Variants in STK39 observed in about 807,000 individuals in gnomAD.
STK39 encodes STE20/SPS1-related proline-alanine-rich protein kinase.
In STK39, 20 loss-of-function variants were observed where a neutral mutation model predicts 77.8. The ratio of observed to expected loss-of-function variants is 0.26; its 90% CI spans 0.18 to 0.37. The LOEUF is 0.37. Ranked by LOEUF, STK39 falls within the 10% of genes least tolerant of loss-of-function variation. The pLI, the probability that STK39 is intolerant of heterozygous loss-of-function variation, is 1.00. For missense variants in STK39, 479 were observed against 656.5 expected (o/e 0.73, Z 2.95); for synonymous variants, 246 against 234.1 (o/e 1.05, Z -0.47).
intron 1 of STK39, among the ~76,000 whole-genome samples, chr2:168,208,143 T>C (rs918223857): frequency 6.6e-6 from 1 of 152,184 alleles, no homozygotes; most frequent in Non-Finnish European, 1.5e-5. Context: ...ATAGAAAGTG[T>C]CCTCATAATG....
At chr2:167,961,395 T>A (rs1691956056) in intron 17 of STK39, among the ~76,000 whole-genome samples, 1 of 152,228 alleles carries the variant, frequency 6.6e-6, no homozygotes, top group African/African-American at 2.4e-5. Context: ...TTACATGTTC[T>A]CAAAATTTGT....
chr2:168,163,981 G>C, intron 3 of STK39, 101 bp from the exon 4 acceptor site: 1 of 1,446,036 alleles, frequency 6.9e-7, no homozygotes, highest in Non-Finnish European at 9.2e-7. Context: ...TCAAAATATG[G>C]GCTTTATTTA....
rs1004304737 is a variant in STK39 at position 168,109,542 on chromosome 2, G to A, written c.1089+19999C>T. Among the ~76,000 whole-genome samples the A allele has an allele frequency of 7.9e-5, 12 of 152,176 alleles. 1 individual carries two copies. Among genetic ancestry groups the A allele is most frequent in the African/African-American group, 2.9e-4 (12 of 41,434 alleles). On this transcript the variant is annotated intron_variant, in intron 10 of 17. Transcript: ENST00000355999. The stretch of plus-strand genomic sequence containing the variant: ...ATTATTGCAAACATCTGCTGGCATG[G>A]TGTGCAAAAGTTTCTCTGGATATGG...
At chr2:168,220,105 A>C (rs1041427074) in intron 1 of STK39, among the ~76,000 whole-genome samples, 1 of 152,084 alleles carries the variant, frequency 6.6e-6, no homozygotes, top group Non-Finnish European at 1.5e-5. Context: ...TTATAAATAG[A>C]GATAAAGGTC....
At chr2:168,011,921 T>C (rs745389711) in intron 16 of STK39, among the ~76,000 whole-genome samples, 2 of 152,158 alleles carry the variant, frequency 1.3e-5, no homozygotes, top group Non-Finnish European at 2.9e-5. Flanking sequence ...ATAATGAATA[T>C]TGCTGAGGGC....
intron 5 of STK39, among the ~76,000 whole-genome samples, chr2:168,157,586 T>G (rs1173729971): frequency 6.6e-6 from 1 of 152,144 alleles, no homozygotes; most frequent in Non-Finnish European, 1.5e-5. Flanking sequence ...AGATGGTGCC[T>G]TCTGTTCGTG....
chr2:168,222,551 T>A (rs989840928), intron 1 of STK39, among the ~76,000 whole-genome samples: 15 of 152,294 alleles, frequency 9.8e-5, no homozygotes, highest in Admixed American at 9.8e-4. Context: ...ATTCATGATT[T>A]CCCTGTATGT....
intron 7 of STK39, among the ~76,000 whole-genome samples, chr2:168,138,550 C>G (rs544318677): frequency 6.6e-6 from 1 of 152,096 alleles, no homozygotes; most frequent in Non-Finnish European, 1.5e-5. Flanking sequence ...GTTGGGAAAG[C>G]GGGTGGAGGA....
intron 3 of STK39, among the ~76,000 whole-genome samples, chr2:168,165,850 T>C (rs1200664256): frequency 6.6e-6 from 1 of 152,206 alleles, no homozygotes; most frequent in African/African-American, 2.4e-5. Flanking sequence ...CTCTATCATA[T>C]AAATTCTGCT....
intron 1 of STK39, among the ~76,000 whole-genome samples, chr2:168,187,930 G>T (rs1356063778): frequency 6.6e-6 from 1 of 152,096 alleles, no homozygotes; most frequent in African/African-American, 2.4e-5. Flanking sequence ...CCCCTGGAAG[G>T]AAGTTCTAAT....
intron 16 of STK39, among the ~76,000 whole-genome samples, chr2:168,010,177 A>C (rs564170207): frequency 2.0e-5 from 3 of 152,316 alleles, no homozygotes; most frequent in Non-Finnish European, 4.4e-5. Context: ...GTTTCAAAGA[A>C]GTTTTTGATT....
At chr2:167,990,153 C>T (rs1336832047) in intron 16 of STK39, among the ~76,000 whole-genome samples, 1 of 151,922 alleles carries the variant, frequency 6.6e-6, no homozygotes, top group Non-Finnish European at 1.5e-5. Context: ...TTCACGAATC[C>T]ACATTATCAA....
At chr2:168,240,071 T>C (rs1457090266) in intron 1 of STK39, among the ~76,000 whole-genome samples, 1 of 152,162 alleles carries the variant, frequency 6.6e-6, no homozygotes, top group Non-Finnish European at 1.5e-5. Context: ...ACAGAGCTCT[T>C]TGCTACATAG....
chr2:168,055,960 T>C (rs1468140443), intron 14 of STK39, among the ~76,000 whole-genome samples: 3 of 152,224 alleles, frequency 2.0e-5, no homozygotes, highest in Admixed American at 1.3e-4. Context: ...ACGGGCTTTA[T>C]GATAATTCAA....
intron 1 of STK39, among the ~76,000 whole-genome samples, chr2:168,235,875 T>C (rs1690591768): frequency 6.6e-6 from 1 of 152,120 alleles, no homozygotes; most frequent in East Asian, 1.9e-4. Context: ...CTGGGTTGGT[T>C]CCAAGTCTTT....
intron 5 of STK39, among the ~76,000 whole-genome samples, chr2:168,156,349 A>AGCTTTATTCCATCAACAAT (rs777078906): frequency 2.6e-5 from 4 of 152,198 alleles, no homozygotes; most frequent in Non-Finnish European, 5.9e-5. Flanking sequence ...AGGAAGCTGG[A>AGCTTTATTCCATCAACAAT]GCTTTATTCC....
intron 1 of STK39, chr2:168,231,895 G>A (rs893039841): frequency 1.3e-5 from 3 of 234,684 alleles, no homozygotes; most frequent in Non-Finnish European, 2.8e-5. Context: ...AGCTTGATGT[G>A]GGGGGAGGAA....
intron 16 of STK39, among the ~76,000 whole-genome samples, chr2:167,979,113 G>C (rs765131796): frequency 3.9e-5 from 6 of 152,078 alleles, no homozygotes; most frequent in Non-Finnish European, 5.9e-5. Context: ...GAGTTCTGCT[G>C]TTACAAAAAA....
At chr2:168,013,579 G>C (rs1684325070) in intron 15 of STK39, among the ~76,000 whole-genome samples, 1 of 152,208 alleles carries the variant, frequency 6.6e-6, no homozygotes, top group Admixed American at 6.5e-5. Context: ...ATTGTAGCTT[G>C]ATAAGAAGAA....
Sources: gnomAD v4.1 joint callset for allele counts (sites outside exome capture counted in the v4.1 genomes callset) on GRCh38, gnomAD v4.1.1 for gene constraint, MANE v1.5 for transcripts, NCBI Gene and HGNC (gene_info 2026-07-23, HGNC 2026-07-21) for gene names.